Variants in LRP1B observed in about 807,000 individuals in gnomAD.
LRP1B encodes the protein LDL receptor related protein 1B, also known as low-density lipoprotein receptor-related protein 1B.
A neutral mutation model predicts 556.6 loss-of-function variants in LRP1B; 217 were observed. The observed-to-expected ratio is 0.39, with a 90% CI of 0.35 to 0.44. The LOEUF is 0.44. LRP1B is among the 20% of genes least tolerant of loss of function. LRP1B has a pLI of 1.00. For missense variants in LRP1B, 5,053 were observed against 5,620.8 expected (o/e 0.90, Z 3.23); for synonymous variants, 2,047 against 1,865.8 (o/e 1.10, Z -2.50).
rs528323957 is a variant in LRP1B at position 140,897,680 on chromosome 2, T to A, written c.3766+5240A>T. On this transcript the variant is annotated intron_variant, in intron 23 of 90. Coordinates refer to ENST00000389484, the MANE Select transcript of LRP1B (RefSeq NM_018557.3). ...GTGGAAAGACTAGATTTGCTAAGTCTTCTGGCCTCTATCTTTCTCTCATGC... is the reference window on the plus strand; with the variant it reads ...GTGGAAAGACTAGATTTGCTAAGTCATCTGGCCTCTATCTTTCTCTCATGC... 2.6e-5 allele frequency among the ~76,000 whole-genome samples: 4 copies of A among 152,310 alleles called. No individual in the cohort carries two copies. The South Asian group carries it at 8.3e-4, about 32-fold the overall frequency.
rs1341442851 is a variant in LRP1B, at chr2:141,923,482, G to A, written c.83-113081C>T. Among the ~76,000 whole-genome samples the A allele has an allele frequency of 1.8e-4, 21 of 119,638 alleles. No homozygotes were observed. In the Admixed American group the frequency reaches 1.8e-3, roughly 10 times the overall value. The allele number at this position is 119,638 out of a possible 152,430, so 78.5% of individuals were successfully genotyped here. ...TGTGTGTGTGTGTGTGTGTGTGTGTGTGTGTAGAGAGAGGGAGGGAGGGGG... is the reference window on the plus strand; with the variant it reads ...TGTGTGTGTGTGTGTGTGTGTGTGTATGTGTAGAGAGAGGGAGGGAGGGGG... On this transcript the variant is annotated intron_variant, in intron 1 of 90. Coordinates refer to ENST00000389484, the MANE Select transcript of LRP1B (RefSeq NM_018557.3).
intron 2 of LRP1B, among the ~76,000 whole-genome samples, chr2:141,516,137 C>T (rs577386123): frequency 6.6e-6 from 1 of 152,256 alleles, no homozygotes; most frequent in East Asian, 1.9e-4. Context: ...ACATCCATTT[C>T]TCAGGAAACT....
intron 4 of LRP1B, 99 bp downstream of exon 4, chr2:141,254,423 A>G (rs1684383722): frequency 1.7e-6 from 2 of 1,177,554 alleles, no homozygotes; most frequent in Non-Finnish European, 2.4e-6. Context: ...TAACATAAAC[A>G]CTGTAGAGCA....
intron 84 of LRP1B, among the ~76,000 whole-genome samples, chr2:140,283,950 A>G (rs1683020058): frequency 6.6e-6 from 1 of 151,712 alleles, no homozygotes; most frequent in South Asian, 2.1e-4. Context: ...ACAGCTAAAT[A>G]TGGCTTATCA....
At chr2:141,182,563 TC>T (rs2105175955) in intron 7 of LRP1B, among the ~76,000 whole-genome samples, 1 of 152,000 alleles carries the variant, frequency 6.6e-6, no homozygotes, top group South Asian at 2.1e-4. Flanking sequence ...AAACTTTAAG[TC>T]CCAGATACCT....
At chr2:140,985,428 T>A (rs76135503) in intron 17 of LRP1B, among the ~76,000 whole-genome samples, 205 of 151,106 alleles carry the variant, frequency 1.4e-3, no homozygotes, top group African/African-American at 4.8e-3. Flanking sequence ...TATTATGTAA[T>A]CTAACCAGAG....
At chr2:140,891,354 T>G (rs1201997399) in intron 23 of LRP1B, among the ~76,000 whole-genome samples, 1 of 152,146 alleles carries the variant, frequency 6.6e-6, no homozygotes, top group Non-Finnish European at 1.5e-5. Flanking sequence ...AGAGTCCTTC[T>G]TCAGATCCTT....
intron 89 of LRP1B, among the ~76,000 whole-genome samples, chr2:140,236,975 GTATT>G (rs1339408610): frequency 2.0e-5 from 3 of 151,032 alleles, no homozygotes; most frequent in Non-Finnish European, 3.0e-5. Flanking sequence ...AAAAATCAAA[GTATT>G]TAGCATATCT....
At position 141,342,198 on chromosome 2, in the gene LRP1B, C is replaced by T. The variant is rs1573831462; in HGVS notation, c.344-87557G>A. 2.7e-5 allele frequency among the ~76,000 whole-genome samples: 4 copies of T among 146,786 alleles called. No homozygotes were observed. The East Asian group carries it at 6.1e-4, about 22-fold the overall frequency. The stretch of plus-strand genomic sequence containing the variant: ...GGTGGAGGTTGCAGTGAGCCGAGAT[C>T]GTGCCACCGCACTCCAGCCAGGGTG... On this transcript the variant is annotated intron_variant, in intron 3 of 90. Transcript: ENST00000389484.
At chr2:141,289,628 A>G (rs1396931466) in intron 3 of LRP1B, among the ~76,000 whole-genome samples, 1 of 152,168 alleles carries the variant, frequency 6.6e-6, no homozygotes, top group Non-Finnish European at 1.5e-5. Context: ...GCTCTACTTT[A>G]GGAAAAATAG....
chr2:140,325,269 C>CACAAGTA (rs1680414658), intron 80 of LRP1B, among the ~76,000 whole-genome samples: 1 of 152,010 alleles, frequency 6.6e-6, no homozygotes, highest in East Asian at 1.9e-4. Flanking sequence ...AACAGAGGAG[C>CACAAGTA]ACAAGTAGAT....
intron 10 of LRP1B, among the ~76,000 whole-genome samples, chr2:141,053,564 C>T (rs1465619147): frequency 6.6e-6 from 1 of 151,956 alleles, no homozygotes; most frequent in African/African-American, 2.4e-5. Flanking sequence ...TTCCAGCTTT[C>T]AGCCAGGTTG....
intron 66 of LRP1B, among the ~76,000 whole-genome samples, chr2:140,417,680 C>T (rs7591861): frequency 0.12 from 18,309 of 152,150 alleles, 1,590 homozygotes; most frequent in African/African-American, 0.24. Flanking sequence ...GCCATGACTG[C>T]ACGGCTTTCT....
chr2:140,308,176 T>G (rs1381228706), intron 83 of LRP1B, among the ~76,000 whole-genome samples: 1 of 151,840 alleles, frequency 6.6e-6, no homozygotes, highest in Non-Finnish European at 1.5e-5. Flanking sequence ...AATAACTTAC[T>G]GCAAACCTGG....
intron 17 of LRP1B, among the ~76,000 whole-genome samples, chr2:140,982,626 C>CAA (rs58327493): frequency 2.6e-5 from 4 of 151,790 alleles, no homozygotes; most frequent in African/African-American, 7.3e-5. Flanking sequence ...TCTTAATTAA[C>CAA]AAAAAAAGAA....
chr2:141,559,626 T>A (rs1414519965), intron 2 of LRP1B, among the ~76,000 whole-genome samples: 3 of 151,622 alleles, frequency 2.0e-5, no homozygotes, highest in Non-Finnish European at 4.4e-5. Context: ...TGTGATAAAG[T>A]AAATTTGTTT....
At chr2:141,801,240 T>C (rs904766945) in intron 2 of LRP1B, among the ~76,000 whole-genome samples, 2 of 152,132 alleles carry the variant, frequency 1.3e-5, no homozygotes, top group Non-Finnish European at 2.9e-5. Flanking sequence ...CAGAAAATAA[T>C]GGTACTTAGG....
chr2:140,869,774 T>C (rs1024164947), intron 25 of LRP1B, among the ~76,000 whole-genome samples: 2 of 151,958 alleles, frequency 1.3e-5, no homozygotes, highest in African/African-American at 2.4e-5. Flanking sequence ...GGGAAGGATA[T>C]TGTGTATAGG....
chr2:141,747,200 T>C (rs887480934), intron 2 of LRP1B, among the ~76,000 whole-genome samples: 7 of 152,162 alleles, frequency 4.6e-5, no homozygotes, highest in Admixed American at 1.3e-4. Flanking sequence ...CAAGTTGATA[T>C]GGGGTCAAAG....
Sources: allele counts gnomAD v4.1 joint callset (sites outside exome capture counted in the v4.1 genomes callset), GRCh38; gene constraint gnomAD v4.1.1; transcripts MANE v1.5; gene names NCBI Gene and HGNC (gene_info 2026-07-23, HGNC 2026-07-21).